Variants in RPS6KA2 observed in about 807,000 individuals in gnomAD.
RPS6KA2 encodes ribosomal protein S6 kinase alpha-2.
RPS6KA2 carries 42 observed loss-of-function variants against 91.8 expected under a neutral mutation model. That is an observed-to-expected ratio of 0.46 (90% CI 0.36 to 0.59). The LOEUF is 0.59. Ranked by LOEUF, RPS6KA2 falls within the 20% of genes least tolerant of loss-of-function variation. The probability of loss-of-function intolerance (pLI) is 0.00; values close to 1 mark genes in which losing one functional copy is unlikely to be tolerated. For missense variants in RPS6KA2, 798 were observed against 978.5 expected (o/e 0.82, Z 2.46); for synonymous variants, 414 against 393.6 (o/e 1.05, Z -0.61).
At chr6:166,512,557 T>C (rs1210366434) in intron 3 of RPS6KA2, among the ~76,000 whole-genome samples, 1 of 152,218 alleles carries the variant, frequency 6.6e-6, no homozygotes, top group Non-Finnish European at 1.5e-5. Flanking sequence ...ACACCTAGGA[T>C]TCAGGCTGTC....
At chr6:166,730,938 A>G (rs1457584010) in intron 2 of RPS6KA2, among the ~76,000 whole-genome samples, 1 of 152,176 alleles carries the variant, frequency 6.6e-6, no homozygotes, top group Non-Finnish European at 1.5e-5. Flanking sequence ...TCAGATCATG[A>G]TAATTAAAAA....
intron 2 of RPS6KA2, among the ~76,000 whole-genome samples, chr6:166,808,595 T>G (rs1209605477): frequency 6.6e-6 from 1 of 152,196 alleles, no homozygotes; most frequent in Admixed American, 6.5e-5. Context: ...AATCAGATGA[T>G]GCATTTTAAA....
Position 166,469,731 on chromosome 6 carries a change from C to T in RPS6KA2, c.972+110G>A, listed in dbSNP as rs1306022969. Reference sequence around the variant, plus strand: ...CAGGTGGCTTGTCTACATTCACCTCCGACCTACTTGTGACCCGGACACTGA... The same window carrying T: ...CAGGTGGCTTGTCTACATTCACCTCTGACCTACTTGTGACCCGGACACTGA... On this transcript the variant is annotated intron_variant, in intron 11 of 20. Coordinates refer to ENST00000265678, the MANE Select transcript of RPS6KA2 (RefSeq NM_021135.6). The T allele has an allele frequency of 2.5e-5, 25 of 1,004,048 alleles. 1 individual carries two copies. Among genetic ancestry groups the T allele is most frequent in the South Asian group, 5.2e-5 (4 of 76,348 alleles). 62.2% of individuals were successfully genotyped at this position (1,004,048 alleles called of 1,614,324 possible).
At chr6:166,781,871 G>C (rs1021560736) in intron 2 of RPS6KA2, among the ~76,000 whole-genome samples, 3 of 152,220 alleles carry the variant, frequency 2.0e-5, no homozygotes, top group Non-Finnish European at 2.9e-5. Context: ...TCGACATTCT[G>C]AGTGGATGAC....
At chr6:166,555,966 T>C (rs531287828) in intron 1 of RPS6KA2, among the ~76,000 whole-genome samples, 1 of 151,936 alleles carries the variant, frequency 6.6e-6, no homozygotes, top group South Asian at 2.1e-4. Flanking sequence ...CTAAGTGGGG[T>C]ATCTGGGGGA....
At chr6:166,422,609 T>TAAAC (rs1190924440) in intron 17 of RPS6KA2, among the ~76,000 whole-genome samples, 2 of 152,216 alleles carry the variant, frequency 1.3e-5, no homozygotes, top group Non-Finnish European at 2.9e-5. Flanking sequence ...CTTAGATTTA[T>TAAAC]AAACACATCC....
At chr6:166,774,961 G>A (rs746082713) in intron 2 of RPS6KA2, among the ~76,000 whole-genome samples, 12 of 151,942 alleles carry the variant, frequency 7.9e-5, no homozygotes, top group Non-Finnish European at 1.6e-4. Flanking sequence ...GGGTTGGGAG[G>A]GCAGAGGAGA....
At chr6:166,644,361 G>C (rs1787539835) in intron 2 of RPS6KA2, among the ~76,000 whole-genome samples, 1 of 152,096 alleles carries the variant, frequency 6.6e-6, no homozygotes, top group Non-Finnish European at 1.5e-5. Flanking sequence ...TCAAATCAAT[G>C]TGCGTCCCAT....
In RPS6KA2 at chr6:166,448,337, G is replaced by T. The variant is rs1779744626; in HGVS notation, c.1332+387C>A. 6.6e-6 allele frequency among the ~76,000 whole-genome samples: 1 copy of T among 152,134 alleles called. No homozygotes were observed. The highest frequency in any genetic ancestry group is 1.5e-5 in the Non-Finnish European group (1 of 68,040). On this transcript the variant is annotated intron_variant, in intron 14 of 20. Transcript: ENST00000265678. The surrounding 1 kb of genome is among the most constrained non-coding windows in gnomAD (Gnocchi z 4.7). ...GGGGCCCAAAACTTTTGCTCTTGGT[G>T]TATGTCATACACCAAGCTACGAAAG...
At chr6:166,511,883 G>C (rs546166056) in intron 3 of RPS6KA2, among the ~76,000 whole-genome samples, 1 of 152,304 alleles carries the variant, frequency 6.6e-6, no homozygotes, top group Non-Finnish European at 1.5e-5. Context: ...GAGGAAAATA[G>C]CTTGGTAGTT....
At chr6:166,634,523 C>T (rs946108110) in intron 2 of RPS6KA2, among the ~76,000 whole-genome samples, 2 of 152,236 alleles carry the variant, frequency 1.3e-5, no homozygotes, top group African/African-American at 4.8e-5. Flanking sequence ...ACTTGCAAAA[C>T]TGTCAGGTTT....
chr6:166,741,937 G>A (rs1328688923), intron 2 of RPS6KA2, among the ~76,000 whole-genome samples: 1 of 152,184 alleles, frequency 6.6e-6, no homozygotes, highest in Non-Finnish European at 1.5e-5. Context: ...GACCACCCCG[G>A]CCAACATAGT....
At chr6:166,781,464 C>G (rs1021730254) in intron 2 of RPS6KA2, among the ~76,000 whole-genome samples, 8 of 152,340 alleles carry the variant, frequency 5.3e-5, no homozygotes, top group Middle Eastern at 6.8e-3. Context: ...ACTTCGCTCT[C>G]TTTGGGTGAG....
At chr6:166,789,590 C>A (rs925658398) in intron 2 of RPS6KA2, among the ~76,000 whole-genome samples, 2 of 152,250 alleles carry the variant, frequency 1.3e-5, no homozygotes, top group African/African-American at 4.8e-5. Flanking sequence ...GACCCCCGAG[C>A]AGCTTAACTG....
intron 1 of RPS6KA2, among the ~76,000 whole-genome samples, chr6:166,618,072 G>C (rs1342552099): frequency 6.6e-6 from 1 of 152,266 alleles, no homozygotes; most frequent in Non-Finnish European, 1.5e-5. Flanking sequence ...AAGGGGACCT[G>C]TGATTCAGGA....
chr6:166,781,942 C>T (rs1454114440), intron 2 of RPS6KA2, among the ~76,000 whole-genome samples: 1 of 152,190 alleles, frequency 6.6e-6, no homozygotes, highest in Non-Finnish European at 1.5e-5. Context: ...GGCCTTGACC[C>T]ACTAGTGGCC....
intron 2 of RPS6KA2, among the ~76,000 whole-genome samples, chr6:166,678,404 G>A (rs1179402551): frequency 6.6e-6 from 1 of 152,248 alleles, no homozygotes; most frequent in Non-Finnish European, 1.5e-5. Context: ...ACTGACCGCA[G>A]AAGGTTGCCT....
At chr6:166,720,792 A>C (rs1790149518) in intron 2 of RPS6KA2, among the ~76,000 whole-genome samples, 1 of 152,344 alleles carries the variant, frequency 6.6e-6, no homozygotes, top group Non-Finnish European at 1.5e-5. Flanking sequence ...TTTACTCAGA[A>C]GGAAACTCCG....
intron 2 of RPS6KA2, among the ~76,000 whole-genome samples, chr6:166,671,824 CG>C (rs1205040399): frequency 6.6e-6 from 1 of 152,076 alleles, no homozygotes; most frequent in Admixed American, 6.5e-5. Flanking sequence ...TGGCCAGAGC[CG>C]GGATCTCAGA....
Sources: allele counts gnomAD v4.1 joint callset (sites outside exome capture counted in the v4.1 genomes callset), GRCh38; gene constraint gnomAD v4.1.1; non-coding constraint Gnocchi (gnomAD v3.1); transcripts MANE v1.5; gene names NCBI Gene and HGNC (gene_info 2026-07-23, HGNC 2026-07-21).